Variants in STRN observed in about 807,000 individuals in gnomAD.
STRN encodes protein phosphatase 2 regulatory subunit B'''alpha.
STRN carries 53 observed loss-of-function variants against 96.3 expected under a neutral mutation model. The observed-to-expected ratio is 0.55, with a 90% confidence interval of 0.44 to 0.69. The LOEUF (loss-of-function observed/expected upper bound fraction) is 0.69, where lower values mean the gene tolerates loss of function less well. STRN is among the 30% of genes least tolerant of loss of function. The pLI, the probability that STRN is intolerant of heterozygous loss-of-function variation, is 0.00. For synonymous variants in STRN, 428 were observed against 355.9 expected (o/e 1.20, Z -2.28); for missense variants, 987 against 963.9 (o/e 1.02, Z -0.32).
At chr2:36,921,891 T>C (rs1156739008) in intron 2 of STRN, among the ~76,000 whole-genome samples, 13 of 152,204 alleles carry the variant, frequency 8.5e-5, no homozygotes, top group Admixed American at 7.2e-4. Flanking sequence ...ATGCAGTATA[T>C]ATTTCCAGAT....
At chr2:36,900,515 T>C (rs953641782) in intron 5 of STRN, among the ~76,000 whole-genome samples, 8 of 152,236 alleles carry the variant, frequency 5.3e-5, no homozygotes, top group African/African-American at 1.9e-4. Flanking sequence ...GACTCGACCC[T>C]GTTGATTAAT....
chr2:36,944,077 G>A (rs1186929933), intron 1 of STRN, among the ~76,000 whole-genome samples: 1 of 152,064 alleles, frequency 6.6e-6, no homozygotes, highest in African/African-American at 2.4e-5. Context: ...CCAAGATCTC[G>A]CCATTGCACT....
chr2:36,864,599 T>A (rs572738011), intron 12 of STRN, among the ~76,000 whole-genome samples: 2 of 152,350 alleles, frequency 1.3e-5, no homozygotes, highest in African/African-American at 4.8e-5. Context: ...TCATCAAGGA[T>A]ATTGGCCTGA....
At chr2:36,907,084 C>G (rs1449623433) in intron 3 of STRN, among the ~76,000 whole-genome samples, 1 of 152,148 alleles carries the variant, frequency 6.6e-6, no homozygotes, top group African/African-American at 2.4e-5. Flanking sequence ...TATGGTAAGT[C>G]TGGACTGTAC....
chr2:36,959,029 T>C lies in STRN; in HGVS notation c.234+7201A>G, dbSNP rs577156063. On this transcript the variant is annotated intron_variant, in intron 1 of 17. Transcript: ENST00000263918. Reference sequence around the variant, plus strand: ...TACTCGGGAGGCTGAGGCAGGAGAATTGCTTGAACCCAGGAGGCGGAGGTT... The same window carrying C: ...TACTCGGGAGGCTGAGGCAGGAGAACTGCTTGAACCCAGGAGGCGGAGGTT... Among the ~76,000 whole-genome samples, 16 of 152,184 alleles carry C rather than the reference T, an allele frequency of 1.1e-4. No homozygotes were observed. In the South Asian group the frequency reaches 2.7e-3, roughly 26 times the overall value.
rs760090241 is a variant in STRN, at chr2:36,861,125, C to T, written c.1669+7G>A. On this transcript the variant is annotated splice_region_variant and intron_variant, in intron 13 of 17. Coordinates refer to ENST00000263918, the MANE Select transcript of STRN (RefSeq NM_003162.4). ...TTATTCCTTCAGATCTTTGGGAAAT[C>T]ACCTACCATAAGAATCATAGGGGTC... 1 of 1,611,846 alleles carries T rather than the reference C, an allele frequency of 6.2e-7. No homozygotes were observed. Among genetic ancestry groups the T allele is most frequent in the Non-Finnish European group, 8.5e-7 (1 of 1,179,442 alleles).
chr2:36,904,852 G>C (rs750461871), intron 4 of STRN, among the ~76,000 whole-genome samples: 6 of 151,954 alleles, frequency 3.9e-5, no homozygotes, highest in Non-Finnish European at 5.9e-5. Context: ...ATGAATGAAT[G>C]AATGAATGAA....
At chr2:36,902,117 C>T (rs574872922) in intron 5 of STRN, among the ~76,000 whole-genome samples, 2 of 152,262 alleles carry the variant, frequency 1.3e-5, no homozygotes, top group African/African-American at 4.8e-5. Flanking sequence ...ATTGTTCACA[C>T]TTACGCTGTC....
chr2:36,855,163 G>C, intron 15 of STRN, 49 bp downstream of exon 15: 1 of 1,586,878 alleles, frequency 6.3e-7, no homozygotes, highest in African/African-American at 1.4e-5. Flanking sequence ...TCGTAATTTT[G>C]ATTAAGTTAA....
At position 36,841,241 on chromosome 2, in the gene STRN, G is replaced by C. The variant is rs148743819; in HGVS notation, c.*8215C>G. 1 of 150,380 alleles carries C rather than the reference G, an allele frequency of 6.6e-6. No homozygotes were observed. Among genetic ancestry groups the C allele is most frequent in the Non-Finnish European group, 1.5e-5 (1 of 67,728 alleles). 9.3% of individuals were successfully genotyped at this position (150,380 alleles called of 1,614,324 possible). A position where few individuals can be genotyped will look rare whatever the true frequency, so the allele number is the denominator to read the frequency against. On this transcript the variant is annotated 3_prime_UTR_variant, in exon 18 of 18. Coordinates refer to ENST00000263918, the MANE Select transcript of STRN (RefSeq NM_003162.4). ...TGCTTGTTAAAAGGCTGACCAAAAA[G>C]AAAGTAAGTCTGAATGTTTCAGAGT...
At chr2:36,913,201 A>G (rs1670008029) in intron 3 of STRN, among the ~76,000 whole-genome samples, 2 of 151,950 alleles carry the variant, frequency 1.3e-5, no homozygotes, top group African/African-American at 4.8e-5. Flanking sequence ...CTCATCATAA[A>G]CCCCTAATTA....
At chr2:36,868,317 C>T (rs913283926) in intron 11 of STRN, among the ~76,000 whole-genome samples, 1 of 152,018 alleles carries the variant, frequency 6.6e-6, no homozygotes, top group Non-Finnish European at 1.5e-5. Flanking sequence ...TAAAAAACAC[C>T]CCAGGACACA....
intron 1 of STRN, among the ~76,000 whole-genome samples, chr2:36,948,081 CTTTTTTTTTTTTTTTTTTTTT>C (rs553351693): frequency 1.9e-4 from 13 of 68,110 alleles, no homozygotes; most frequent in Non-Finnish European, 1.9e-4. Context: ...TCAGTGCACT[CTTTTTTTTTTTTTTTTTTTTT>C]TTTTTTTTTT....
At chr2:36,910,319 A>C (rs1162796781) in intron 3 of STRN, among the ~76,000 whole-genome samples, 1 of 152,224 alleles carries the variant, frequency 6.6e-6, no homozygotes, top group African/African-American at 2.4e-5. Flanking sequence ...CAAAGGAATA[A>C]TGAGTATTGG....
At chr2:36,947,884 T>C (rs921885239) in intron 1 of STRN, among the ~76,000 whole-genome samples, 2 of 151,818 alleles carry the variant, frequency 1.3e-5, no homozygotes, top group African/African-American at 4.8e-5. Flanking sequence ...TATTTATTTA[T>C]TTGCATTCTG....
chr2:36,895,409 A>G (rs2717493), intron 6 of STRN, among the ~76,000 whole-genome samples: 62,307 of 151,876 alleles, frequency 0.41, 14,930 homozygotes, highest in Non-Finnish European at 0.53. Context: ...TATTTGGGAT[A>G]TTTTCCTAAA....
chr2:36,956,007 G>C (rs924073351), intron 1 of STRN, among the ~76,000 whole-genome samples: 1 of 152,156 alleles, frequency 6.6e-6, no homozygotes, highest in Admixed American at 6.5e-5. Flanking sequence ...CACGAGGTCA[G>C]GTATGGATTT....
At chr2:36,856,592 G>A (rs1355960414) in intron 14 of STRN, among the ~76,000 whole-genome samples, 2 of 152,270 alleles carry the variant, frequency 1.3e-5, no homozygotes, top group Middle Eastern at 6.8e-3. Context: ...AATCTATGAT[G>A]AAAGAAATCA....
intron 15 of STRN, among the ~76,000 whole-genome samples, chr2:36,854,510 A>C (rs1047429045): frequency 2.0e-5 from 3 of 152,200 alleles, no homozygotes; most frequent in Non-Finnish European, 1.5e-5. Context: ...GAGAGTGAGA[A>C]CACCACAAGA....
Sources: allele counts gnomAD v4.1 joint callset (sites outside exome capture counted in the v4.1 genomes callset), GRCh38; gene constraint gnomAD v4.1.1; transcripts MANE v1.5; gene names NCBI Gene and HGNC (gene_info 2026-07-23, HGNC 2026-07-21).